PCSK2: variants seen among roughly 807,000 people sequenced by gnomAD.
PCSK2 encodes the protein neuroendocrine convertase 2.
A neutral mutation model predicts 69.7 loss-of-function variants in PCSK2; 14 were observed. That is an observed-to-expected ratio of 0.20 (90% CI 0.13 to 0.31). The LOEUF (loss-of-function observed/expected upper bound fraction) is 0.31, where lower values mean the gene tolerates loss of function less well. PCSK2 is among the 10% of genes least tolerant of loss of function. The pLI is 1.00. For synonymous variants in PCSK2, 307 were observed against 320.7 expected (o/e 0.96, Z 0.46); for missense variants, 544 against 842.5 (o/e 0.65, Z 4.39).
rs149519713 is a variant in PCSK2 at position 17,240,074 on chromosome 20, G to T, written c.177+12592G>T. 5.5e-3 allele frequency among the ~76,000 whole-genome samples: 841 copies of T among 151,750 alleles called. 8 individuals are homozygous for T. The highest frequency in any genetic ancestry group is 0.019 in the African/African-American group (794 of 41,364). ...TTACCATGTTGGCCAGGATGGTCTC[G>T]ATCTCCTGACCTCGTGATCCACCTG... is the stretch of plus-strand genomic sequence containing the variant. On this transcript the variant is annotated intron_variant, in intron 1 of 11. Coordinates refer to ENST00000262545, the MANE Select transcript of PCSK2 (RefSeq NM_002594.5).
intron 2 of PCSK2, among the ~76,000 whole-genome samples, chr20:17,337,928 C>CAA (rs3076245): frequency 0.26 from 33,085 of 129,526 alleles, 4,356 homozygotes; most frequent in Non-Finnish European, 0.28. Flanking sequence ...AAACCCATCT[C>CAA]AAAAAAAAAA....
intron 5 of PCSK2, among the ~76,000 whole-genome samples, chr20:17,389,728 G>A (rs2031327624): frequency 6.6e-6 from 1 of 152,168 alleles, no homozygotes; most frequent in African/African-American, 2.4e-5. Flanking sequence ...GGTCCCTGTA[G>A]CATTTCCTTT....
intron 2 of PCSK2, among the ~76,000 whole-genome samples, chr20:17,327,048 G>C (rs1042147119): frequency 1.3e-5 from 2 of 152,136 alleles, no homozygotes; most frequent in African/African-American, 2.4e-5. Flanking sequence ...GAAAAGACTG[G>C]ATGAATTCTA....
intron 2 of PCSK2, among the ~76,000 whole-genome samples, chr20:17,264,973 T>C (rs1019870938): frequency 1.3e-5 from 2 of 152,090 alleles, no homozygotes; most frequent in Admixed American, 6.6e-5. Flanking sequence ...AAGTGTTTCT[T>C]GTGCCTCAGC....
chr20:17,337,074 C>A (rs1428357227), intron 2 of PCSK2, among the ~76,000 whole-genome samples: 1 of 115,704 alleles, frequency 8.6e-6, no homozygotes, highest in African/African-American at 2.8e-5. Flanking sequence ...GTTAACTTCT[C>A]CGAAAGAAAA....
At chr20:17,335,186 C>T (rs1489881243) in intron 2 of PCSK2, among the ~76,000 whole-genome samples, 2 of 84,870 alleles carry the variant, frequency 2.4e-5, no homozygotes, top group African/African-American at 3.3e-5. Context: ...CAGACGGCAG[C>T]GGAGATTGGG....
At chr20:17,303,485 TA>T (rs1989194032) in intron 2 of PCSK2, among the ~76,000 whole-genome samples, 2 of 56,148 alleles carry the variant, frequency 3.6e-5, no homozygotes, top group South Asian at 3.8e-4. Flanking sequence ...ATATAATATA[TA>T]TTATATTTAA....
intron 2 of PCSK2, among the ~76,000 whole-genome samples, chr20:17,317,338 C>G (rs956354533): frequency 1.3e-5 from 2 of 152,192 alleles, no homozygotes; most frequent in African/African-American, 2.4e-5. Context: ...GTGAATTCTG[C>G]AAATTCACAA....
chr20:17,456,741 T>C (rs756015063), intron 10 of PCSK2, among the ~76,000 whole-genome samples: 1 of 152,180 alleles, frequency 6.6e-6, no homozygotes, highest in African/African-American at 2.4e-5. Flanking sequence ...ACAGAGATAT[T>C]TCTTTCTTCA....
At chr20:17,437,238 G>C (rs1363353344) in intron 8 of PCSK2, among the ~76,000 whole-genome samples, 11 of 152,220 alleles carry the variant, frequency 7.2e-5, no homozygotes, top group Admixed American at 7.2e-4. Context: ...TCAGTCGTTG[G>C]CTGGCAGTAG....
At chr20:17,348,649 G>A (rs879053051) in intron 2 of PCSK2, among the ~76,000 whole-genome samples, 1 of 152,172 alleles carries the variant, frequency 6.6e-6, no homozygotes, top group Non-Finnish European at 1.5e-5. Flanking sequence ...AGATGAAGGT[G>A]TCATCAGGGT....
At chr20:17,351,875 A>G (rs1337030463) in intron 2 of PCSK2, among the ~76,000 whole-genome samples, 1 of 152,176 alleles carries the variant, frequency 6.6e-6, no homozygotes, top group Admixed American at 6.5e-5. Context: ...AATGAAATAA[A>G]AGGCATCCAG....
intron 5 of PCSK2, among the ~76,000 whole-genome samples, chr20:17,380,561 A>G (rs950294335): frequency 4.6e-5 from 7 of 152,306 alleles, no homozygotes; most frequent in African/African-American, 1.4e-4. Context: ...TAATAATAAT[A>G]CTGATCTTAC....
chr20:17,404,883 T>C (rs147347851), intron 5 of PCSK2, among the ~76,000 whole-genome samples: 2 of 152,312 alleles, frequency 1.3e-5, no homozygotes, highest in East Asian at 3.9e-4. Flanking sequence ...ATCTCTGCTG[T>C]TAGAGTGCAA....
At chr20:17,315,894 G>C (rs755789647) in intron 2 of PCSK2, among the ~76,000 whole-genome samples, 3 of 152,202 alleles carry the variant, frequency 2.0e-5, no homozygotes, top group Non-Finnish European at 4.4e-5. Flanking sequence ...CCGCCAAGCA[G>C]GCACAGGAGC....
At chr20:17,313,376 C>T (rs1989576967) in intron 2 of PCSK2, among the ~76,000 whole-genome samples, 1 of 151,990 alleles carries the variant, frequency 6.6e-6, no homozygotes, top group South Asian at 2.1e-4. Flanking sequence ...TTGTGCTCAC[C>T]TTCCCCCTCC....
At chr20:17,331,155 T>C (rs727473) in intron 2 of PCSK2, among the ~76,000 whole-genome samples, 23,218 of 152,160 alleles carry the variant, frequency 0.15, 2,260 homozygotes, top group Non-Finnish European at 0.22. Flanking sequence ...CGCTCCTGAC[T>C]CAAACAGCGT....
chr20:17,386,654 T>G (rs977573138), intron 5 of PCSK2, among the ~76,000 whole-genome samples: 2 of 151,984 alleles, frequency 1.3e-5, no homozygotes, highest in African/African-American at 2.4e-5. Flanking sequence ...AAATAGGGAG[T>G]TATTGTTTAA....
intron 1 of PCSK2, among the ~76,000 whole-genome samples, chr20:17,258,738 A>G (rs1987269559): frequency 6.6e-6 from 1 of 150,856 alleles, no homozygotes; most frequent in Non-Finnish European, 1.5e-5. Flanking sequence ...GTGACAAGAG[A>G]AGAACCACTT....
Sources: allele counts gnomAD v4.1 joint callset (sites outside exome capture counted in the v4.1 genomes callset), GRCh38; gene constraint gnomAD v4.1.1; transcripts MANE v1.5; gene names NCBI Gene and HGNC (gene_info 2026-07-23, HGNC 2026-07-21).